The following DLC1 variants were observed in gnomAD, a reference collection of about 807,000 sequenced individuals.
DLC1 encodes the protein DLC1 Rho GTPase activating protein.
A neutral mutation model predicts 140.3 loss-of-function variants in DLC1; 54 were observed. The ratio of observed to expected loss-of-function variants is 0.38; its 90% CI spans 0.31 to 0.48. The LOEUF (loss-of-function observed/expected upper bound fraction) is 0.48. Ranked by LOEUF, DLC1 falls within the 20% of genes least tolerant of loss-of-function variation. DLC1 has a pLI of 0.96. For synonymous variants in DLC1, 986 were observed against 728.1 expected, an observed-to-expected ratio of 1.35 and a Z score of -5.70; for missense variants, 2,536 against 1,907.0, an observed-to-expected ratio of 1.33 and a Z score of -6.14.
At chr8:13,238,474 C>G (rs938131345) in intron 5 of DLC1, among the ~76,000 whole-genome samples, 1 of 151,800 alleles carries the variant, frequency 6.6e-6, no homozygotes, top group African/African-American at 2.4e-5. Context: ...GTTCACGCCA[C>G]TGCACTCCAG....
At chr8:13,601,159 G>A (rs1012390101) in intron 1 of DLC1, among the ~76,000 whole-genome samples, 5 of 151,666 alleles carry the variant, frequency 3.3e-5, no homozygotes, top group African/African-American at 4.8e-5. Context: ...ATAATACTCA[G>A]TCTGCGGTGT....
At chr8:13,276,369 C>T (rs1207733447) in intron 5 of DLC1, 2 of 1,519,306 alleles carry the variant, frequency 1.3e-6, no homozygotes, top group Non-Finnish European at 1.8e-6. Context: ...TCGCAGGGGG[C>T]GCGCCATCAC....
At chr8:13,361,662 T>C (rs1017087876) in intron 4 of DLC1, among the ~76,000 whole-genome samples, 1 of 152,176 alleles carries the variant, frequency 6.6e-6, no homozygotes, top group African/African-American at 2.4e-5. Flanking sequence ...ATATTATTAT[T>C]TCCTATATTT....
intron 2 of DLC1, among the ~76,000 whole-genome samples, chr8:13,458,209 G>A (rs904744118): frequency 6.6e-6 from 1 of 152,136 alleles, no homozygotes; most frequent in Non-Finnish European, 1.5e-5. Flanking sequence ...TTTAATTCTA[G>A]CCAAAATTTG....
intron 1 of DLC1, among the ~76,000 whole-genome samples, chr8:13,562,033 T>A (rs1351405810): frequency 6.6e-6 from 1 of 152,084 alleles, no homozygotes; most frequent in Non-Finnish European, 1.5e-5. Flanking sequence ...GTTGAAGGTA[T>A]GCCAAAAAAG....
At chr8:13,533,387 A>C (rs1803165825) in intron 1 of DLC1, among the ~76,000 whole-genome samples, 1 of 152,202 alleles carries the variant, frequency 6.6e-6, no homozygotes, top group Non-Finnish European at 1.5e-5. Context: ...CCCAGTCAAC[A>C]ACTATATCTG....
chr8:13,518,696 G>T (rs1159412969), upstream of DLC1, among the ~76,000 whole-genome samples: 1 of 152,060 alleles, frequency 6.6e-6, no homozygotes, highest in Non-Finnish European at 1.5e-5. Flanking sequence ...TTCCATTTTT[G>T]TTAATGAATA....
chr8:13,211,453 G>C (rs930782207), intron 5 of DLC1, among the ~76,000 whole-genome samples: 1 of 152,132 alleles, frequency 6.6e-6, no homozygotes, highest in Admixed American at 6.6e-5. Context: ...TTCACTGTCA[G>C]CTCACACTTG....
chr8:13,114,658 C>T (rs1427250179), intron 6 of DLC1, among the ~76,000 whole-genome samples: 1 of 151,912 alleles, frequency 6.6e-6, no homozygotes, highest in Non-Finnish European at 1.5e-5. Context: ...AACACGTGAC[C>T]AATGAAAGAT....
At chr8:13,390,799 A>G (rs1836721206) in intron 4 of DLC1, among the ~76,000 whole-genome samples, 1 of 152,092 alleles carries the variant, frequency 6.6e-6, no homozygotes, top group Non-Finnish European at 1.5e-5. Flanking sequence ...CATCTTGGCT[A>G]ACACAGTGAA....
intron 4 of DLC1, among the ~76,000 whole-genome samples, chr8:13,347,358 G>C (rs1302099822): frequency 4.6e-5 from 7 of 152,188 alleles, no homozygotes; most frequent in Non-Finnish European, 8.8e-5. Flanking sequence ...AGGGCCACCT[G>C]ACACAGAGAG....
At position 13,224,833 on chromosome 8, in the gene DLC1, G is replaced by A. The variant is rs151305209; in HGVS notation, c.1348+80436C>T. On this transcript the variant is annotated intron_variant, in intron 5 of 17. Coordinates refer to ENST00000276297, the MANE Select transcript of DLC1 (RefSeq NM_182643.3). ...TAGTTACTCCTCCCACAAAGGCCAAGTCACTTACCCTATGCTAGTCTTATG... is the reference window on the plus strand; with the variant it reads ...TAGTTACTCCTCCCACAAAGGCCAAATCACTTACCCTATGCTAGTCTTATG... Among the ~76,000 whole-genome samples the A allele has an allele frequency of 2.5e-3, 379 of 152,260 alleles. 3 individuals carry two copies. The highest frequency in any genetic ancestry group is 8.0e-3 in the African/African-American group (333 of 41,550).
At chr8:13,432,039 C>T (rs1266671950) in intron 2 of DLC1, among the ~76,000 whole-genome samples, 1 of 152,102 alleles carries the variant, frequency 6.6e-6, no homozygotes, top group Non-Finnish European at 1.5e-5. Context: ...ATCAAATCTC[C>T]TGTTGAAAAG....
chr8:13,434,982 C>G (rs1303283950), intron 2 of DLC1, among the ~76,000 whole-genome samples: 2 of 152,022 alleles, frequency 1.3e-5, no homozygotes, highest in Non-Finnish European at 2.9e-5. Context: ...GGCTCACCCT[C>G]AAGCCTTATT....
intron 2 of DLC1, among the ~76,000 whole-genome samples, chr8:13,457,652 G>C (rs997805234): frequency 2.1e-4 from 30 of 141,288 alleles, no homozygotes; most frequent in Non-Finnish European, 1.1e-4. Context: ...ACTCCAGCCT[G>C]GGTGACAGAG....
intron 5 of DLC1, among the ~76,000 whole-genome samples, chr8:13,140,848 T>G (rs1390823875): frequency 6.6e-6 from 1 of 152,222 alleles, no homozygotes; most frequent in Non-Finnish European, 1.5e-5. Context: ...GGTTTTTGGC[T>G]TTATTTTTAG....
intron 1 of DLC1, among the ~76,000 whole-genome samples, chr8:13,602,197 T>C (rs1295645569): frequency 2.0e-5 from 3 of 151,816 alleles, no homozygotes; most frequent in Non-Finnish European, 4.4e-5. Context: ...AGAAAAAGTG[T>C]ATAAGACAAA....
At chr8:13,143,832 G>GAGAGAGAGAGAT in intron 5 of DLC1, among the ~76,000 whole-genome samples, 1 of 151,430 alleles carries the variant, frequency 6.6e-6, no homozygotes, top group Non-Finnish European at 1.5e-5. Context: ...GAGAGAGAGA[G>GAGAGAGAGAGAT]AGAGAGAGAG....
intron 4 of DLC1, among the ~76,000 whole-genome samples, chr8:13,335,005 G>T (rs1022665072): frequency 7.2e-5 from 11 of 152,118 alleles, no homozygotes; most frequent in African/African-American, 2.7e-4. Context: ...CTGGCTCAGG[G>T]GCTCTAGCTG....
Sources: gnomAD v4.1 joint callset for allele counts (sites outside exome capture counted in the v4.1 genomes callset) on GRCh38, gnomAD v4.1.1 for gene constraint, MANE v1.5 for transcripts, NCBI Gene and HGNC (gene_info 2026-07-23, HGNC 2026-07-21) for gene names.